The following NFILZ variants were observed in gnomAD, a reference collection of about 807,000 sequenced individuals.
NFILZ encodes the protein NFIL3 like basic leucine zipper.
rs2043128616 is a variant in NFILZ at position 8,678,330 on chromosome 19, C to T, written c.*695C>T. Among the ~76,000 whole-genome samples, 1 of 151,562 alleles carries T rather than the reference C, an allele frequency of 6.6e-6. No homozygotes were observed. The stretch of plus-strand genomic sequence containing the variant: ...TTCTTCCTTCTTTCTATCTAGCCAT[C>T]CATTCTCATTCATCCATGCATTTGT... On this transcript the variant is annotated 3_prime_UTR_variant, in exon 6 of 6. Coordinates refer to ENST00000691075, the MANE Select transcript of NFILZ (RefSeq NM_001378600.1).
chr19:8,650,703 C>T (rs1173721012), intron 3 of NFILZ, among the ~76,000 whole-genome samples: 1 of 150,438 alleles, frequency 6.6e-6, no homozygotes, highest in Non-Finnish European at 1.5e-5. Context: ...GAAACTCATG[C>T]TAAAAAAAAA....
intron 3 of NFILZ, among the ~76,000 whole-genome samples, chr19:8,657,820 ACC>A (rs1476220719): frequency 6.6e-6 from 1 of 152,046 alleles, no homozygotes; most frequent in Non-Finnish European, 1.5e-5. Flanking sequence ...TTTCCCCACC[ACC>A]TGTGATCAGC....
rs139945615 is a variant in NFILZ, at chr19:8,679,332, A to G, written c.*1697A>G. ...CATCAGGGATCTTGTTAGATTCTAG[A>G]TAAAAATACTCAAACTCCAATCATG... On this transcript the variant is annotated 3_prime_UTR_variant, in exon 6 of 6. Coordinates refer to ENST00000691075, the MANE Select transcript of NFILZ (RefSeq NM_001378600.1). 1.0e-3 allele frequency among the ~76,000 whole-genome samples: 152 copies of G among 151,780 alleles called. 2 individuals are homozygous for G. The highest frequency in any genetic ancestry group is 3.5e-3 in the African/African-American group (145 of 41,292).
intron 3 of NFILZ, among the ~76,000 whole-genome samples, chr19:8,638,308 C>T (rs113899542): frequency 0.012 from 1,812 of 152,204 alleles, 40 homozygotes; most frequent in African/African-American, 0.041. Context: ...TGAGTGTGCA[C>T]GTGCGTTAGC....
At chr19:8,652,809 TTC>T (rs149429243) in intron 3 of NFILZ, among the ~76,000 whole-genome samples, 41 of 150,608 alleles carry the variant, frequency 2.7e-4, no homozygotes, top group South Asian at 2.5e-3. Flanking sequence ...CCCTCCCTCC[TTC>T]TCTCTCTCTC....
intron 2 of NFILZ, among the ~76,000 whole-genome samples, chr19:8,633,707 A>G (rs1555745781): frequency 6.6e-6 from 1 of 152,076 alleles, no homozygotes; most frequent in Non-Finnish European, 1.5e-5. Flanking sequence ...AGCTATGCCC[A>G]ACTCAGCTCT....
intron 3 of NFILZ, among the ~76,000 whole-genome samples, chr19:8,656,649 C>T (rs557498656): frequency 2.6e-5 from 4 of 152,322 alleles, no homozygotes; most frequent in East Asian, 1.9e-4. Flanking sequence ...GCACAGCTGC[C>T]GCCGCCCAAT....
intron 3 of NFILZ, among the ~76,000 whole-genome samples, chr19:8,652,542 AAATTT>A (rs1555747804): frequency 1.3e-5 from 2 of 152,192 alleles, no homozygotes; most frequent in Admixed American, 6.6e-5. Context: ...TTACGCTTTA[AAATTT>A]GTTCATTGTT....
Position 8,678,167 on chromosome 19 carries a change from AT to A in NFILZ, c.*533del, listed in dbSNP as rs2043126438. On this transcript the variant is annotated 3_prime_UTR_variant, in exon 6 of 6. Transcript: ENST00000691075. The stretch of plus-strand genomic sequence containing the variant: ...CACTTGTCCGTCCATCCATCCATCC[AT>A]CCATCCATCCATCCATCCATCCGTC... 3.4e-5 allele frequency among the ~76,000 whole-genome samples: 1 copy of A among 29,574 alleles called. No homozygotes were observed. The highest frequency in any genetic ancestry group is 3.9e-4 in the Admixed American group (1 of 2,568). The allele number at this position is 29,574 out of a possible 152,430, so 19.4% of individuals were successfully genotyped here. A position where few individuals can be genotyped will look rare whatever the true frequency, so the allele number is the denominator to read the frequency against.
At chr19:8,648,890 T>A (rs1294146806) in intron 3 of NFILZ, among the ~76,000 whole-genome samples, 1 of 151,622 alleles carries the variant, frequency 6.6e-6, no homozygotes, top group Non-Finnish European at 1.5e-5. Flanking sequence ...AAAGTAAAAT[T>A]GTGATTTCAG....
intron 3 of NFILZ, among the ~76,000 whole-genome samples, chr19:8,646,599 C>T (rs991359715): frequency 4.3e-4 from 65 of 152,252 alleles, no homozygotes; most frequent in African/African-American, 1.6e-3. Flanking sequence ...TCAGTGGCTC[C>T]CCGAGGCCCC....
At position 8,656,319 on chromosome 19, in the gene NFILZ, CCCTGAAGCCCCCT is replaced by C. The variant is rs2042995540; in HGVS notation, c.-163-18231_-163-18219del. Among the ~76,000 whole-genome samples the C allele has an allele frequency of 2.1e-4, 17 of 82,890 alleles. 3 individuals carry two copies. Among genetic ancestry groups the C allele is most frequent in the Non-Finnish European group, 4.2e-4 (13 of 30,890 alleles). The allele number at this position is 82,890 out of a possible 152,430, so 54.4% of individuals were successfully genotyped here. A position where few individuals can be genotyped will look rare whatever the true frequency, so the allele number is the denominator to read the frequency against. On this transcript the variant is annotated intron_variant, in intron 3 of 5. Coordinates refer to ENST00000691075, the MANE Select transcript of NFILZ (RefSeq NM_001378600.1). ...CACCTCCTCCCGCAGCGCACCTCCT[CCCTGAAGCCCCCT>C]TCTTCCTGAAGCCCACCTCTTCCCT...
In NFILZ at chr19:8,679,297, A is replaced by ATTATTATTG. The variant is rs1208673299; in HGVS notation, c.*1670_*1671insGTTATTATT. On this transcript the variant is annotated 3_prime_UTR_variant, in exon 6 of 6. Coordinates refer to ENST00000691075, the MANE Select transcript of NFILZ (RefSeq NM_001378600.1). ...TATTATTATTATTATTATTATTATT[A>ATTATTATTG]TTATTATTACATCAGGGATCTTGTT... is the stretch of plus-strand genomic sequence containing the variant. Among the ~76,000 whole-genome samples, 6 of 150,036 alleles carry ATTATTATTG rather than the reference A, an allele frequency of 4.0e-5. No homozygotes were observed. The highest frequency in any genetic ancestry group is 1.5e-4 in the African/African-American group (6 of 40,878).
intron 3 of NFILZ, among the ~76,000 whole-genome samples, chr19:8,639,301 G>C (rs966857685): frequency 1.3e-5 from 2 of 152,140 alleles, no homozygotes; most frequent in Non-Finnish European, 1.5e-5. Context: ...GGCAGGCCAG[G>C]CATGGCGGCT....
rs2043136414 is a variant in NFILZ, at chr19:8,679,655, C to G, written c.*2020C>G. Among the ~76,000 whole-genome samples the G allele has an allele frequency of 1.3e-5, 2 of 152,110 alleles. No homozygotes were observed. The highest frequency in any genetic ancestry group is 2.9e-5 in the Non-Finnish European group (2 of 68,034). On this transcript the variant is annotated 3_prime_UTR_variant, in exon 6 of 6. Coordinates refer to ENST00000691075, the MANE Select transcript of NFILZ (RefSeq NM_001378600.1). ...CTGCACATCACAGGTAGGACCTCCTCTACTTGCTCAGCCTTTGGTTCTGGT... is the reference window on the plus strand; with the variant it reads ...CTGCACATCACAGGTAGGACCTCCTGTACTTGCTCAGCCTTTGGTTCTGGT...
In NFILZ at chr19:8,679,269, CATTATTATTATTATT is replaced by C. The variant is rs55926423; in HGVS notation, c.*1657_*1671del. On this transcript the variant is annotated 3_prime_UTR_variant, in exon 6 of 6. Transcript: ENST00000691075. ...TCAGTTTCTCACTCAGCCCCTCTCC[CATTATTATTATTATT>C]ATTATTATTATTATTATTATTACAT... is the stretch of plus-strand genomic sequence containing the variant. Among the ~76,000 whole-genome samples the C allele has an allele frequency of 1.5e-4, 22 of 145,854 alleles. 1 individual carries two copies. The South Asian group carries it at 3.3e-3, about 22-fold the overall frequency.
intron 1 of NFILZ, among the ~76,000 whole-genome samples, chr19:8,631,257 C>T (rs1465410566): frequency 1.3e-5 from 2 of 152,088 alleles, no homozygotes; most frequent in Non-Finnish European, 2.9e-5. Flanking sequence ...TTTCCCTTCC[C>T]AGGACCCGGG....
At chr19:8,639,804 A>G (rs1415014758) in intron 3 of NFILZ, among the ~76,000 whole-genome samples, 1 of 152,074 alleles carries the variant, frequency 6.6e-6, no homozygotes, top group East Asian at 1.9e-4. Flanking sequence ...TTATTTTTAT[A>G]TGCGGTAGGC....
intron 3 of NFILZ, among the ~76,000 whole-genome samples, chr19:8,644,146 G>A (rs1444152936): frequency 1.3e-5 from 2 of 152,134 alleles, no homozygotes; most frequent in Non-Finnish European, 2.9e-5. Context: ...TGTTACCCAG[G>A]CAGGAGTGCA....
Sources: allele counts gnomAD v4.1 joint callset (sites outside exome capture counted in the v4.1 genomes callset), GRCh38; gene constraint gnomAD v4.1.1; transcripts MANE v1.5; gene names NCBI Gene and HGNC (gene_info 2026-07-23, HGNC 2026-07-21).